The following THSD4 variants were observed in gnomAD, a reference collection of about 807,000 sequenced individuals.
THSD4 encodes the protein thrombospondin type 1 domain containing 4, also known as thrombospondin type-1 domain-containing protein 4.
In THSD4, 69 loss-of-function variants were observed where a neutral mutation model predicts 119.0. That is an observed-to-expected ratio of 0.58 (90% CI 0.48 to 0.71). The LOEUF (loss-of-function observed/expected upper bound fraction) is 0.71, where lower values mean the gene tolerates loss of function less well. THSD4 is among the 30% of genes least tolerant of loss of function. THSD4 has a pLI of 0.00. For missense variants in THSD4, 1,393 were observed against 1,391.1 expected (o/e 1.00, Z -0.02); for synonymous variants, 524 against 540.4 (o/e 0.97, Z 0.42).
chr15:71,321,533 C>T (rs540049458), intron 6 of THSD4, among the ~76,000 whole-genome samples: 1 of 152,284 alleles, frequency 6.6e-6, no homozygotes, highest in Non-Finnish European at 1.5e-5. Flanking sequence ...GAGATTCCGT[C>T]TCCAAAATAA....
At chr15:71,166,871 C>T (rs976172348) in intron 3 of THSD4, 4 of 152,060 alleles carry the variant, frequency 2.6e-5, no homozygotes, top group Admixed American at 2.6e-4. Context: ...GATATGGTAC[C>T]TCCTTGTCAA....
intron 8 of THSD4, among the ~76,000 whole-genome samples, chr15:71,681,380 A>G (rs1286850621): frequency 6.6e-6 from 1 of 152,090 alleles, no homozygotes. Flanking sequence ...ATCAGTATCA[A>G]AAGTTTACGT....
Position 71,777,311 on chromosome 15 carries a change from C to T in THSD4, c.2994C>T (p.Thr998=), listed in dbSNP as rs200400407. 3.0e-4 allele frequency: 477 copies of T among 1,614,110 alleles called. 1 individual carries two copies. The highest frequency in any genetic ancestry group is 8.8e-5 in the South Asian group (8 of 91,092). ...ARLCVYNYYK[T]ACCASCTRVA... The stretch of plus-strand genomic sequence containing the variant: ...TCTGTGTCTACAACTACTACAAGAC[C>T]GCCTGCTGTGCCTCCTGCACCCGTG... The change falls in exon 18 of 18, where the codon ACC becomes ACT. Residue 998 remains threonine, a synonymous_variant. Coordinates refer to ENST00000261862, the MANE Select transcript of THSD4 (RefSeq NM_024817.3).
At chr15:71,632,189 G>A (rs2050644318) in intron 7 of THSD4, among the ~76,000 whole-genome samples, 1 of 152,188 alleles carries the variant, frequency 6.6e-6, no homozygotes, top group South Asian at 2.1e-4. Flanking sequence ...AAGAAGTCCT[G>A]TTTCCTTCTC....
chr15:71,121,488 T>C (rs938226120), intron 1 of THSD4, among the ~76,000 whole-genome samples: 1 of 152,188 alleles, frequency 6.6e-6, no homozygotes, highest in Admixed American at 6.5e-5. Flanking sequence ...GACTCTTTGA[T>C]TGATCTCCCT....
intron 7 of THSD4, among the ~76,000 whole-genome samples, chr15:71,459,178 T>G (rs1170963508): frequency 7.5e-6 from 1 of 133,990 alleles, no homozygotes; most frequent in Non-Finnish European, 1.7e-5. Context: ...TTTTTTTTTT[T>G]GACAGAGTCT....
chr15:71,598,649 G>A (rs1371279910), intron 7 of THSD4, among the ~76,000 whole-genome samples: 2 of 151,794 alleles, frequency 1.3e-5, no homozygotes, highest in Non-Finnish European at 2.9e-5. Flanking sequence ...TTTGAGACAG[G>A]GTCTCACTCT....
At chr15:71,293,634 A>G (rs16955411) in intron 6 of THSD4, among the ~76,000 whole-genome samples, 3,350 of 152,190 alleles carry the variant, frequency 0.022, 139 homozygotes, top group African/African-American at 0.077. Context: ...TTTCCTCCAC[A>G]GTGGATATGA....
rs139826676 is a variant in THSD4, at chr15:71,207,793, C to T, written c.100-7242C>T. ...ATGATTTGAGATGGAACAGTTTCAT[C>T]CTGAAACCATCTCTACCCCCGCCAC... On this transcript the variant is annotated intron_variant, in intron 3 of 17. Transcript: ENST00000261862. 2.3e-3 allele frequency among the ~76,000 whole-genome samples: 353 copies of T among 152,296 alleles called. 3 individuals are homozygous for T. Among genetic ancestry groups the T allele is most frequent in the Middle Eastern group, 0.014 (4 of 294 alleles).
At chr15:71,134,039 T>G (rs1039966121) in intron 1 of THSD4, among the ~76,000 whole-genome samples, 2 of 152,256 alleles carry the variant, frequency 1.3e-5, no homozygotes, top group African/African-American at 4.8e-5. Context: ...TTAGTCCTAA[T>G]CCAGATTCTG....
chr15:71,484,212 A>T (rs2047779479), intron 7 of THSD4, among the ~76,000 whole-genome samples: 1 of 152,142 alleles, frequency 6.6e-6, no homozygotes, highest in South Asian at 2.1e-4. Context: ...CCATCGGGAA[A>T]CTTCCCTCTG....
intron 7 of THSD4, among the ~76,000 whole-genome samples, chr15:71,567,599 C>CCCA: frequency 7.3e-6 from 1 of 137,336 alleles, no homozygotes. Context: ...CAAAGACACC[C>CCCA]CCCCACACAC....
intron 8 of THSD4, among the ~76,000 whole-genome samples, chr15:71,677,475 G>A (rs946629550): frequency 1.1e-4 from 16 of 152,180 alleles, no homozygotes; most frequent in African/African-American, 3.6e-4. Context: ...GTTTGTTTTA[G>A]CACTCCTGGA....
intron 8 of THSD4, among the ~76,000 whole-genome samples, chr15:71,672,039 A>G (rs1013680155): frequency 1.1e-4 from 17 of 152,248 alleles, no homozygotes; most frequent in African/African-American, 3.6e-4. Context: ...TTGGTAGCTT[A>G]ATGGGGATGG....
chr15:71,180,737 A>G (rs2141421637), intron 3 of THSD4, among the ~76,000 whole-genome samples: 1 of 152,318 alleles, frequency 6.6e-6, no homozygotes, highest in South Asian at 2.1e-4. Flanking sequence ...TTTGATGAAA[A>G]TAAAATCAGA....
intron 6 of THSD4, among the ~76,000 whole-genome samples, chr15:71,290,124 A>G (rs1432854558): frequency 6.6e-6 from 1 of 152,202 alleles, no homozygotes; most frequent in Admixed American, 6.5e-5. Flanking sequence ...CTTGGGATCC[A>G]GCTGCCTTAG....
intron 6 of THSD4, among the ~76,000 whole-genome samples, chr15:71,406,348 T>G (rs193273217): frequency 6.6e-6 from 1 of 152,062 alleles, no homozygotes. Context: ...TTGGGAGGAG[T>G]ATTCTATAGC....
intron 4 of THSD4, among the ~76,000 whole-genome samples, chr15:71,231,722 G>A (rs551152173): frequency 2.4e-4 from 37 of 152,236 alleles, no homozygotes; most frequent in East Asian, 1.2e-3. Context: ...TGCAGCTAAC[G>A]TATGTGACAC....
intron 7 of THSD4, among the ~76,000 whole-genome samples, chr15:71,436,704 T>A (rs1040159061): frequency 6.6e-6 from 1 of 152,168 alleles, no homozygotes; most frequent in Non-Finnish European, 1.5e-5. Context: ...CAAAATTTAT[T>A]CTAACATGCA....
Sources: gnomAD v4.1 joint callset for allele counts (sites outside exome capture counted in the v4.1 genomes callset) on GRCh38, gnomAD v4.1.1 for gene constraint, MANE v1.5 for transcripts, NCBI Gene and HGNC (gene_info 2026-07-23, HGNC 2026-07-21) for gene names.